Variants in DOP1A observed in about 807,000 individuals in gnomAD.
The protein encoded by DOP1A is protein DOP1A.
A neutral mutation model predicts 267.6 loss-of-function variants in DOP1A; 90 were observed. The ratio of observed to expected loss-of-function variants is 0.34; its 90% CI spans 0.28 to 0.40. The LOEUF is 0.40. DOP1A is among the 10% of genes least tolerant of loss of function. DOP1A has a pLI of 1.00. For missense variants in DOP1A, 2,437 were observed against 2,900.4 expected, an observed-to-expected ratio of 0.84 and a Z score of 3.67; for synonymous variants, 932 against 999.1, an observed-to-expected ratio of 0.93 and a Z score of 1.27.
intron 23 of DOP1A, 88 bp from the exon 24 acceptor site, chr6:83,141,833 A>T: frequency 7.2e-7 from 1 of 1,382,308 alleles, no homozygotes; most frequent in South Asian, 1.4e-5. Flanking sequence ...GTACTATATT[A>T]TTTCAAAGAA....
At position 83,135,322 on chromosome 6, in the gene DOP1A, A is replaced by G. The variant is rs550546012; in HGVS notation, c.2871-297A>G. ...TAATATGAACAGGAAAATGTTGCTA[A>G]AACAAGACTAATCATATTTTTTTTC... On this transcript the variant is annotated intron_variant, in intron 19 of 38. Coordinates refer to ENST00000349129, the MANE Select transcript of DOP1A (RefSeq NM_015018.4). Among the ~76,000 whole-genome samples, 7 of 152,246 alleles carry G rather than the reference A, an allele frequency of 4.6e-5. No individual in the cohort carries two copies. In the South Asian group the frequency reaches 1.2e-3, roughly 27 times the overall value.
intron 24 of DOP1A, among the ~76,000 whole-genome samples, chr6:83,144,414 G>C (rs1268957851): frequency 6.6e-6 from 1 of 152,146 alleles, no homozygotes; most frequent in Non-Finnish European, 1.5e-5. Flanking sequence ...TGAAGTATTT[G>C]AATATGTAAT....
Position 83,134,209 on chromosome 6 carries a change from C to T in DOP1A, c.2792C>T (p.Ala931Val). ...KDKKIRMEAH[A>V]KFAVLWHLTR... ...CAGAAAATAAGGATGGAAGCACATG[C>T]CAAGTTTGCAGTTCTTTGGCATCTA... Residue 931 changes from alanine (A) to valine (V), a missense_variant, in exon 19 of 39, where the codon GCC becomes GTC. By Grantham distance (64) the Ala-to-Val change is moderately conservative. Around this residue, in one of 9 missense-constraint regions of DOP1A, gnomAD observed 878 missense variants for 992.9 expected, o/e 0.88. Coordinates refer to ENST00000349129, the MANE Select transcript of DOP1A (RefSeq NM_015018.4). 6.2e-7 allele frequency: 1 copy of T among 1,612,606 alleles called. No individual in the cohort carries two copies. Among genetic ancestry groups the T allele is most frequent in the Non-Finnish European group, 8.5e-7 (1 of 1,179,256 alleles).
chr6:83,115,887 G>A (rs1011260865), intron 7 of DOP1A, among the ~76,000 whole-genome samples: 1 of 152,024 alleles, frequency 6.6e-6, no homozygotes, highest in African/African-American at 2.4e-5. Context: ...AAATAAGATG[G>A]GGAGACATTT....
Position 83,137,552 on chromosome 6 carries a change from A to G in DOP1A, c.3510A>G (p.Ser1170=). ...VVSGLEVESA[S]VTSQLEIEAM... is the part of the protein sequence containing the mutation. Reference sequence around the variant, plus strand: ...GTGGCCTCGAAGTGGAATCTGCATCAGTTACATCTCAATTAGAAATTGAAG... The same window carrying G: ...GTGGCCTCGAAGTGGAATCTGCATCGGTTACATCTCAATTAGAAATTGAAG... The change falls in exon 21 of 39, where the codon TCA becomes TCG. Residue 1170 remains serine, a synonymous_variant. Transcript: ENST00000349129. The G allele has an allele frequency of 6.2e-7, 1 of 1,613,896 alleles. No individual in the cohort carries two copies. Among genetic ancestry groups the G allele is most frequent in the Non-Finnish European group, 8.5e-7 (1 of 1,179,834 alleles).
chr6:83,069,489 A>C (rs552772819), intron 1 of DOP1A, among the ~76,000 whole-genome samples: 1 of 152,308 alleles, frequency 6.6e-6, no homozygotes, highest in South Asian at 2.1e-4. Context: ...TAGAATATAA[A>C]TTTAAAAACT....
intron 1 of DOP1A, among the ~76,000 whole-genome samples, chr6:83,071,983 T>C (rs949266449): frequency 6.6e-6 from 1 of 152,186 alleles, no homozygotes; most frequent in African/African-American, 2.4e-5. Context: ...GGTAATAAAG[T>C]TAAAATAATC....
At chr6:83,142,226 A>G (rs1462837747) in intron 24 of DOP1A, among the ~76,000 whole-genome samples, 180 bp downstream of exon 24, 1 of 152,062 alleles carries the variant, frequency 6.6e-6, no homozygotes, top group Non-Finnish European at 1.5e-5. Context: ...ATTTGAGGTC[A>G]AGGCTAGGCA....
In DOP1A at chr6:83,129,022, G is replaced by A. The variant is rs911061655; in HGVS notation, c.1855G>A (p.Glu619Lys). ...AGACCGAACTGATGATATTGACAGA[G>A]AACTGAGTGAGGGCCAGGGGGCAGC... ...QADRTDDIDRELSEGQGAAAI... is the reference protein window; with the variant it reads ...QADRTDDIDRKLSEGQGAAAI... The change falls in exon 16 of 39, where the codon GAA becomes AAA. Residue 619 changes from glutamate (E) to lysine (K), a missense_variant. Glu to Lys is a moderately conservative substitution (Grantham distance 56). Coordinates refer to ENST00000349129, the MANE Select transcript of DOP1A (RefSeq NM_015018.4). The A allele has an allele frequency of 5.6e-6, 9 of 1,613,682 alleles. No homozygotes were observed. The highest frequency in any genetic ancestry group is 1.7e-5 in the Admixed American group (1 of 59,942).
At chr6:83,124,436 G>A (rs1175685322) in intron 12 of DOP1A, among the ~76,000 whole-genome samples, 1 of 152,076 alleles carries the variant, frequency 6.6e-6, no homozygotes. Flanking sequence ...AGGAAGCAAT[G>A]GGAAATAAGT....
chr6:83,097,269 G>C (rs1771665018), intron 3 of DOP1A, among the ~76,000 whole-genome samples, 154 bp downstream of exon 3: 1 of 152,162 alleles, frequency 6.6e-6, no homozygotes, highest in Non-Finnish European at 1.5e-5. Context: ...TGAGTTGCAT[G>C]CCTGTGTAGT....
chr6:83,111,297 A>G (rs752683841), intron 6 of DOP1A, among the ~76,000 whole-genome samples: 21 of 151,708 alleles, frequency 1.4e-4, no homozygotes, highest in South Asian at 2.1e-4. Flanking sequence ...GGTTGTTTCT[A>G]TATTTTTTGG....
Position 83,137,604 on chromosome 6 carries a change from G to C in DOP1A, c.3562G>C (p.Asp1188His). The change falls in exon 21 of 39, where the codon GAT (aspartate) becomes CAT (histidine). Residue 1188 changes from aspartate to histidine, a missense_variant. Physicochemically the swap from Asp to His is moderately conservative, Grantham distance 81. This residue lies in a region of DOP1A where 878 missense variants were observed against 992.9 expected (regional missense o/e 0.88). Coordinates refer to ENST00000349129, the MANE Select transcript of DOP1A (RefSeq NM_015018.4). The part of the protein sequence containing the change: ...EAMPPKCSDI[D>H]PDEETIKIED... ...TATGCCCCCAAAGTGCAGTGATATA[G>C]ATCCAGATGAAGAGACGATTAAAAT... 1 of 1,613,832 alleles carries C rather than the reference G, an allele frequency of 6.2e-7. No individual in the cohort carries two copies. Among genetic ancestry groups the C allele is most frequent in the Non-Finnish European group, 8.5e-7 (1 of 1,179,844 alleles).
chr6:83,128,841 T>C (rs779522292), intron 15 of DOP1A, 46 bp from the exon 16 acceptor site: 37 of 1,508,582 alleles, frequency 2.5e-5, no homozygotes, highest in Non-Finnish European at 2.8e-5. Context: ...TCCTAATATG[T>C]ACACTTTGCT....
At chr6:83,170,297 C>G (rs1786836659), downstream of DOP1A, 2 of 1,613,720 alleles carry the variant, frequency 1.2e-6, no homozygotes, top group South Asian at 2.2e-5. Flanking sequence ...AGAACTATCC[C>G]AGCTTACTTG....
At chr6:83,105,062 A>ATATG (rs984812617) in intron 4 of DOP1A, among the ~76,000 whole-genome samples, 4 of 152,136 alleles carry the variant, frequency 2.6e-5, no homozygotes, top group South Asian at 2.1e-4. Flanking sequence ...TCACCATCTG[A>ATATG]TATGTATGTA....
chr6:83,155,844 G>C, intron 33 of DOP1A, 107 bp from the exon 34 acceptor site: 1 of 1,343,282 alleles, frequency 7.4e-7, no homozygotes, highest in South Asian at 1.5e-5. Context: ...TGTACCCCAA[G>C]CTCCTCTCAG....
intron 1 of DOP1A, among the ~76,000 whole-genome samples, chr6:83,080,942 A>G (rs1024482360): frequency 6.6e-5 from 10 of 152,136 alleles, no homozygotes; most frequent in African/African-American, 2.4e-4. Flanking sequence ...ACCCCAAATA[A>G]CCAAAGCCAT....
chr6:83,085,381 C>G (rs1344851660), intron 1 of DOP1A, among the ~76,000 whole-genome samples: 5 of 152,102 alleles, frequency 3.3e-5, no homozygotes, highest in African/African-American at 7.2e-5. Context: ...AGGAAAATTT[C>G]AAAGTGTAAC....
Sources: allele counts gnomAD v4.1 joint callset (sites outside exome capture counted in the v4.1 genomes callset), GRCh38; gene constraint gnomAD v4.1.1; regional missense constraint gnomAD v4.1.1; transcripts MANE v1.5; gene names NCBI Gene and HGNC (gene_info 2026-07-23, HGNC 2026-07-21).